Variants in SPICE1 observed in about 807,000 individuals in gnomAD.
SPICE1 encodes spindle and centriole-associated protein 1.
A neutral mutation model predicts 102.7 loss-of-function variants in SPICE1; 75 were observed. The observed-to-expected ratio is 0.73, with a 90% CI of 0.61 to 0.88. SPICE1 has a LOEUF of 0.88. Ranked by LOEUF, SPICE1 falls within the 40% of genes least tolerant of loss-of-function variation. The pLI, the probability that SPICE1 is intolerant of heterozygous loss-of-function variation, is 0.00. For synonymous variants in SPICE1, 308 were observed against 350.3 expected, an observed-to-expected ratio of 0.88 and a Z score of 1.35; for missense variants, 979 against 1,020.1, an observed-to-expected ratio of 0.96 and a Z score of 0.55.
At position 113,494,320 on chromosome 3, in the gene SPICE1, C is replaced by T. The variant is rs903138027; in HGVS notation, c.292-178G>A. Among the ~76,000 whole-genome samples the T allele has an allele frequency of 7.9e-5, 12 of 152,272 alleles. No homozygotes were observed. In the South Asian group the frequency reaches 1.9e-3, roughly 24 times the overall value. On this transcript the variant is annotated intron_variant, in intron 4 of 17. Coordinates refer to ENST00000295872, the MANE Select transcript of SPICE1 (RefSeq NM_144718.4). ...ATGGGGCTAAGACAATAATTAGTGGCTTTCCAATACCTGACTGAAATCCAA... is the reference window on the plus strand; with the variant it reads ...ATGGGGCTAAGACAATAATTAGTGGTTTTCCAATACCTGACTGAAATCCAA...
At position 113,450,377 on chromosome 3, in the gene SPICE1, G is replaced by A. The variant is rs139756973; in HGVS notation, c.2282C>T (p.Pro761Leu). 1 of 1,614,114 alleles carries A rather than the reference G, an allele frequency of 6.2e-7. No homozygotes were observed. The highest frequency in any genetic ancestry group is 8.5e-7 in the Non-Finnish European group (1 of 1,180,018). Reference protein sequence around the residue: ...QQKLVGLNLSPPMSPVQLPLR... With the variant: ...QQKLVGLNLSLPMSPVQLPLR... Reference sequence around the variant, plus strand: ...AGGTAACTGAACAGGTGACATTGGTGGAGAAAGATTCAAACCAACAAGTTT... The same window carrying A: ...AGGTAACTGAACAGGTGACATTGGTAGAGAAAGATTCAAACCAACAAGTTT... The change falls in exon 15 of 18, where the codon CCA becomes CTA. Residue 761 changes from proline (P) to leucine (L), a missense_variant. By Grantham distance (98) the Pro-to-Leu change is moderately conservative. Coordinates refer to ENST00000295872, the MANE Select transcript of SPICE1 (RefSeq NM_144718.4).
chr3:113,504,010 G>GATGCT (rs1937060646), intron 2 of SPICE1, among the ~76,000 whole-genome samples: 2 of 149,352 alleles, frequency 1.3e-5, no homozygotes, highest in South Asian at 4.3e-4. Context: ...CTTAAGCATA[G>GATGCT]ATGCTACTAC....
At chr3:113,459,225 C>G (rs1284200595) in intron 12 of SPICE1, among the ~76,000 whole-genome samples, 2 of 152,152 alleles carry the variant, frequency 1.3e-5, no homozygotes, top group Non-Finnish European at 2.9e-5. Context: ...GCAGCATACT[C>G]GTTAAGAGTC....
chr3:113,454,208 G>A (rs913160517), intron 13 of SPICE1, among the ~76,000 whole-genome samples: 3 of 152,068 alleles, frequency 2.0e-5, no homozygotes, highest in African/African-American at 7.2e-5. Context: ...ACATTTTAAC[G>A]CATATATTAA....
intron 15 of SPICE1, 42 bp from the exon 16 acceptor site, chr3:113,448,182 G>T: frequency 6.7e-7 from 1 of 1,491,622 alleles, no homozygotes; most frequent in South Asian, 1.3e-5. Flanking sequence ...ACCTTTCAAT[G>T]AAATAAAAAT....
chr3:113,464,984 T>C (rs765049793), intron 11 of SPICE1, among the ~76,000 whole-genome samples: 14 of 151,884 alleles, frequency 9.2e-5, no homozygotes, highest in Admixed American at 2.6e-4. Flanking sequence ...TGTGCACCTG[T>C]AGTCCCAGCG....
intron 7 of SPICE1, among the ~76,000 whole-genome samples, chr3:113,484,103 G>C (rs1394438083): frequency 6.6e-6 from 1 of 152,150 alleles, no homozygotes; most frequent in Non-Finnish European, 1.5e-5. Flanking sequence ...GTTTAGACTT[G>C]GGAGGGTGTA....
chr3:113,456,481 A>T lies in SPICE1; in HGVS notation c.1657+655T>A, dbSNP rs575047574. On this transcript the variant is annotated intron_variant, in intron 13 of 17. Transcript: ENST00000295872. ...TCCAGAAAAAATGTACATGGGGACA[A>T]ATAAATTTAATCTTCCCAACAATGA... is the stretch of plus-strand genomic sequence containing the variant. 1.2e-4 allele frequency among the ~76,000 whole-genome samples: 18 copies of T among 152,316 alleles called. No individual in the cohort carries two copies. In the East Asian group the frequency reaches 3.5e-3, roughly 29 times the overall value.
intron 5 of SPICE1, among the ~76,000 whole-genome samples, chr3:113,493,712 C>T (rs1936813856): frequency 6.6e-6 from 1 of 152,172 alleles, no homozygotes; most frequent in African/African-American, 2.4e-5. Context: ...AGGCAAAGTT[C>T]CTCTTAGAGA....
chr3:113,473,942 A>C (rs1936271342), intron 7 of SPICE1, among the ~76,000 whole-genome samples: 1 of 152,302 alleles, frequency 6.6e-6, no homozygotes, highest in South Asian at 2.1e-4. Flanking sequence ...AACAATATTA[A>C]CTTTAAATGT....
chr3:113,477,044 G>C (rs1267862936), intron 7 of SPICE1, among the ~76,000 whole-genome samples: 2 of 151,736 alleles, frequency 1.3e-5, no homozygotes, highest in African/African-American at 2.4e-5. Flanking sequence ...ATCTGACAAA[G>C]GGCTAATATC....
intron 3 of SPICE1, among the ~76,000 whole-genome samples, chr3:113,502,024 G>C (rs1325962700): frequency 6.6e-6 from 1 of 152,128 alleles, no homozygotes; most frequent in Non-Finnish European, 1.5e-5. Flanking sequence ...CTGAACAACA[G>C]ATAAATAAAA....
chr3:113,450,579 ATTTTTT>A, intron 14 of SPICE1, 63 bp from the exon 15 acceptor site: 1 of 1,216,030 alleles, frequency 8.2e-7, no homozygotes, highest in Non-Finnish European at 1.1e-6. Flanking sequence ...CTCTCCCACG[ATTTTTT>A]TTTTTTTTTT....
intron 1 of SPICE1, chr3:113,514,526 C>A: frequency 7.5e-6 from 3 of 402,578 alleles, no homozygotes; most frequent in South Asian, 1.8e-5. Flanking sequence ...TCTCTCACAT[C>A]TCCCGCAAAT....
intron 6 of SPICE1, among the ~76,000 whole-genome samples, chr3:113,489,950 C>T (rs1405872269): frequency 6.6e-6 from 1 of 151,878 alleles, no homozygotes; most frequent in Non-Finnish European, 1.5e-5. Flanking sequence ...CATTCCTTCC[C>T]AATCTCCTTT....
rs1212999813 is a variant in SPICE1 at position 113,465,552 on chromosome 3, T to C, written c.1287+101A>G. The C allele has an allele frequency of 4.0e-6, 4 of 992,450 alleles. No homozygotes were observed. In the Admixed American group the frequency reaches 9.8e-5, roughly 24 times the overall value. The allele number at this position is 992,450 out of a possible 1,614,324, so 61.5% of individuals were successfully genotyped here. Reference sequence around the variant, plus strand: ...TAAAAATGACTGATAAGTAATCACATCGATACAGTTAAACCAAAAGCAACT... The same window carrying C: ...TAAAAATGACTGATAAGTAATCACACCGATACAGTTAAACCAAAAGCAACT... On this transcript the variant is annotated intron_variant, in intron 11 of 17. Transcript: ENST00000295872.
rs1431459667 is a variant in SPICE1 at position 113,444,570 on chromosome 3, A to C, written c.*737T>G. Reference sequence around the variant, plus strand: ...TTCAGGGCTGGGAAAATTAATAGCAACTTTTTCTATTTAATTGTTTGAAGC... The same window carrying C: ...TTCAGGGCTGGGAAAATTAATAGCACCTTTTTCTATTTAATTGTTTGAAGC... On this transcript the variant is annotated 3_prime_UTR_variant, in exon 18 of 18. Transcript: ENST00000295872. The C allele has an allele frequency of 2.0e-5, 3 of 152,138 alleles. No individual in the cohort carries two copies. Among genetic ancestry groups the C allele is most frequent in the Non-Finnish European group, 4.4e-5 (3 of 68,026 alleles). 9.4% of individuals were successfully genotyped at this position (152,138 alleles called of 1,614,324 possible).
intron 13 of SPICE1, 145 bp from the exon 14 acceptor site, chr3:113,454,095 G>T: frequency 1.4e-6 from 1 of 728,438 alleles, no homozygotes; most frequent in Non-Finnish European, 2.2e-6. Context: ...ATTTTCAGCA[G>T]AGAACACACC....
At chr3:113,455,633 C>CTG (rs1935763828) in intron 13 of SPICE1, among the ~76,000 whole-genome samples, 1 of 152,126 alleles carries the variant, frequency 6.6e-6, no homozygotes, top group South Asian at 2.1e-4. Context: ...TATGTATCAC[C>CTG]CATTTTCATC....
Sources: allele counts gnomAD v4.1 joint callset (sites outside exome capture counted in the v4.1 genomes callset), GRCh38; gene constraint gnomAD v4.1.1; transcripts MANE v1.5; gene names NCBI Gene and HGNC (gene_info 2026-07-23, HGNC 2026-07-21).